The following CSNK2A3 variants were observed in gnomAD, a reference collection of about 807,000 sequenced individuals.
CSNK2A3 encodes casein kinase 2 alpha 3, also known as casein kinase II subunit alpha 3.
CSNK2A3 carries 31 observed loss-of-function variants against 36.5 expected under a neutral mutation model. That is an observed-to-expected ratio of 0.85 (90% CI 0.64 to 1.15). The LOEUF is 1.15. Ranked by LOEUF, CSNK2A3 falls within the 50% of genes most tolerant of loss-of-function variation. The probability of loss-of-function intolerance (pLI) is 0.00; values close to 1 mark genes in which losing one functional copy is unlikely to be tolerated. For synonymous variants in CSNK2A3, 152 were observed against 176.3 expected, an observed-to-expected ratio of 0.86 and a Z score of 1.09; for missense variants, 443 against 487.2, an observed-to-expected ratio of 0.91 and a Z score of 0.85.
Position 11,352,596 on chromosome 11 carries a change from T to C in CSNK2A3, c.524A>G (p.Asp175Gly). The C allele has an allele frequency of 6.2e-7, 1 of 1,614,172 alleles. No individual in the cohort carries two copies. The highest frequency in any genetic ancestry group is 1.6e-4 in the Middle Eastern group (1 of 6,062). The change falls in exon 1 of 1, where the codon GAC (aspartate) becomes GGC (glycine). Residue 175 changes from aspartate (D) to glycine (G), a missense_variant. Transcript: ENST00000528848. ...DHEHRKLRLI[D>G]WGLAEFYHPG... is the part of the protein sequence containing the mutation. ...ATGATAAAACTCAGCCAAACCCCAG[T>C]CTATTAGTCGTAGCTTTCTGTGCTC... is the stretch of plus-strand genomic sequence containing the variant.
At position 11,353,164 on chromosome 11, in the gene CSNK2A3, C is replaced by T; in HGVS notation, c.-45G>A. On this transcript the variant is annotated 5_prime_UTR_variant, in exon 1 of 1. Transcript: ENST00000528848. ...AAAGCTGGACTTGATGTTTGGAGAT[C>T]TGGCAGTCACTGTGTTCAGAAGCAG... 9 of 1,607,334 alleles carry T rather than the reference C, an allele frequency of 5.6e-6. 1 individual carries two copies. Among genetic ancestry groups the T allele is most frequent in the Non-Finnish European group, 7.7e-6 (9 of 1,174,294 alleles).
chr11:11,352,050 G>C, the CSNK2A3 span: 1 of 1,613,776 alleles, frequency 6.2e-7, no homozygotes, highest in Non-Finnish European at 8.5e-7. Context: ...AGTTGGCACT[G>C]AAGAAATCCC....
Position 11,352,982 on chromosome 11 carries a change from G to A in CSNK2A3, c.138C>T (p.Gly46=). The A allele has an allele frequency of 6.2e-7, 1 of 1,613,982 alleles. No individual in the cohort carries two copies. The highest frequency in any genetic ancestry group is 1.1e-5 in the South Asian group (1 of 91,078). The change falls in exon 1 of 1, where the codon GGC becomes GGT. Residue 46 remains glycine, a synonymous_variant. Transcript: ENST00000528848. ...CAAATACTTCACTGTATTTACCTCGGCCTAATTTTCGAACCAGCTGGTAGT... is the reference window on the plus strand; with the variant it reads ...CAAATACTTCACTGTATTTACCTCGACCTAATTTTCGAACCAGCTGGTAGT... ...QDDYQLVRKL[G]RGKYSEVFEA...
In CSNK2A3 at chr11:11,352,806, A is replaced by T. The variant is rs1257075248; in HGVS notation, c.314T>A (p.Val105Glu). 3.1e-6 allele frequency: 5 copies of T among 1,614,198 alleles called. No individual in the cohort carries two copies. The South Asian group carries it at 3.3e-5, about 11-fold the overall frequency. Residue 105 changes from valine (V) to glutamate (E), a missense_variant, in exon 1 of 1, where the codon GTG becomes GAG. Val to Glu is a moderately radical substitution (Grantham distance 121). Transcript: ENST00000528848. Reference sequence around the variant, plus strand: ...AAAAACCAAGGCGGGGGTTCGTGACACAGGGTCTTTTACAATGTCTGCCAG... The same window carrying T: ...AAAAACCAAGGCGGGGGTTCGTGACTCAGGGTCTTTTACAATGTCTGCCAG... Reference protein sequence around the residue: ...ITLADIVKDPVSRTPALVFEH... With the variant: ...ITLADIVKDPESRTPALVFEH...
chr11:11,353,211 C>T lies in CSNK2A3; in HGVS notation c.-92G>A. The T allele has an allele frequency of 2.0e-6, 3 of 1,509,556 alleles. No homozygotes were observed. Among genetic ancestry groups the T allele is most frequent in the East Asian group, 2.3e-5 (1 of 43,774 alleles). 93.5% of individuals were successfully genotyped at this position (1,509,556 alleles called of 1,614,324 possible). ...GCAGCTTGGGGGTAAGACCTTGTTT[C>T]AGACCTGTTTTCTTCACACTGTGGT... On this transcript the variant is annotated 5_prime_UTR_variant, in exon 1 of 1. Coordinates refer to ENST00000528848, the MANE Select transcript of CSNK2A3 (RefSeq NM_001256686.2).
chr11:11,352,273 G>A lies in CSNK2A3; in HGVS notation c.847C>T (p.Arg283Cys), dbSNP rs565318445. ...LGRHSRKRWE[R>C]FVHSENQHLV... Reference sequence around the variant, plus strand: ...TGCTGATTTTCACTGTGGACAAAGCGTTCCCATCGCTTTCGAGAGTGTCTG... The same window carrying A: ...TGCTGATTTTCACTGTGGACAAAGCATTCCCATCGCTTTCGAGAGTGTCTG... The change falls in exon 1 of 1, where the codon CGC (arginine) becomes TGC (cysteine). Residue 283 changes from arginine to cysteine, a missense_variant. Coordinates refer to ENST00000528848, the MANE Select transcript of CSNK2A3 (RefSeq NM_001256686.2). 82 of 1,614,086 alleles carry A rather than the reference G, an allele frequency of 5.1e-5. 1 individual carries two copies. In the East Asian group the frequency reaches 6.5e-4, roughly 13 times the overall value.
Position 11,351,983 on chromosome 11 carries a change from A to T in CSNK2A3, c.1137T>A (p.Leu379=). 5 of 1,610,364 alleles carry T rather than the reference A, an allele frequency of 3.1e-6. No homozygotes were observed. Among genetic ancestry groups the T allele is most frequent in the Non-Finnish European group, 4.2e-6 (5 of 1,178,408 alleles). ...CAGTGGCAGCTGGAACAGGCATCCC[A>T]AGGGGGTTGGCAGCAGCAATCACTG... The part of the protein sequence containing the change: ...GSPVIAAANP[L]GMPVPAATGA... Residue 379 remains leucine, a synonymous_variant, in exon 1 of 1, where the codon CTT becomes CTA. Coordinates refer to ENST00000528848, the MANE Select transcript of CSNK2A3 (RefSeq NM_001256686.2).
In CSNK2A3 at chr11:11,352,084, C is replaced by T. The variant is rs74507390; in HGVS notation, c.1036G>A (p.Val346Ile). Residue 346 changes from valine (V) to isoleucine (I), a missense_variant, in exon 1 of 1, where the codon GTC becomes ATC. Val to Ile is a conservative substitution (Grantham distance 29). Coordinates refer to ENST00000528848, the MANE Select transcript of CSNK2A3 (RefSeq NM_001256686.2). ...CCTGACATCACATTGGCGCTGCTGA[C>T]GGGCGTACTGCCCCCTGGCATGCTA... ...SSSMPGGSTP[V>I]SSANVMSGIS... The T allele has an allele frequency of 7.1e-3, 11,526 of 1,613,524 alleles. 668 individuals are homozygous for T. The African/African-American group carries it at 0.13, about 19-fold the overall frequency.
rs762925427 is a variant in CSNK2A3 at position 11,352,808 on chromosome 11, A to G, written c.312T>C (p.Pro104=). 1.5e-5 allele frequency: 24 copies of G among 1,614,096 alleles called. No homozygotes were observed. The highest frequency in any genetic ancestry group is 5.5e-5 in the South Asian group (5 of 91,080). The change falls in exon 1 of 1, where the codon CCT becomes CCC. Residue 104 remains proline, a synonymous_variant. Transcript: ENST00000528848. ...AAACCAAGGCGGGGGTTCGTGACAC[A>G]GGGTCTTTTACAATGTCTGCCAGTG... ...IITLADIVKD[P]VSRTPALVFE...
rs760116416 is a variant in CSNK2A3, at chr11:11,351,969, G to A, written c.1151C>T (p.Pro384Leu). 6.2e-7 allele frequency: 1 copy of A among 1,607,230 alleles called. No homozygotes were observed. Among genetic ancestry groups the A allele is most frequent in the Non-Finnish European group, 8.5e-7 (1 of 1,176,744 alleles). The part of the protein sequence containing the change: ...AAANPLGMPV[P>L]AATGAQQ ...TTACTGCTGAGCGCCAGTGGCAGCT[G>A]GAACAGGCATCCCAAGGGGGTTGGC... Residue 384 changes from proline to leucine, a missense_variant, in exon 1 of 1, where the codon CCA becomes CTA. By Grantham distance (98) the Pro-to-Leu change is moderately conservative. Transcript: ENST00000528848.
rs1249117185 is a variant in CSNK2A3 at position 11,352,144 on chromosome 11, T to C, written c.976A>G (p.Thr326Ala). 3 of 1,612,090 alleles carry C rather than the reference T, an allele frequency of 1.9e-6. No homozygotes were observed. Among genetic ancestry groups the C allele is most frequent in the Non-Finnish European group, 2.5e-6 (3 of 1,179,650 alleles). The change falls in exon 1 of 1, where the codon ACT becomes GCT. Residue 326 changes from threonine (T) to alanine (A), a missense_variant. Thr to Ala is a moderately conservative substitution (Grantham distance 58, BLOSUM62 0). Transcript: ENST00000528848. ...REAMEHPYFYTVVKDQARMGS... is the reference protein window; with the variant it reads ...REAMEHPYFYAVVKDQARMGS... ...ATTCGAGCCTGGTCCTTCACAACAGTGTAGAAATAGGGGTGCTCCATGGCC... is the reference window on the plus strand; with the variant it reads ...ATTCGAGCCTGGTCCTTCACAACAGCGTAGAAATAGGGGTGCTCCATGGCC...
rs778898420 is a variant in CSNK2A3 at position 11,352,988 on chromosome 11, T to C, written c.132A>G (p.Lys44=). The change falls in exon 1 of 1, where the codon AAA becomes AAG. Residue 44 remains lysine (K), a synonymous_variant. Transcript: ENST00000528848. ...CTTCACTGTATTTACCTCGGCCTAA[T>C]TTTCGAACCAGCTGGTAGTCATCTT... ...GNQDDYQLVR[K]LGRGKYSEVF... is the part of the protein sequence containing the mutation. The C allele has an allele frequency of 1.2e-6, 2 of 1,614,204 alleles. No individual in the cohort carries two copies. Among genetic ancestry groups the C allele is most frequent in the Non-Finnish European group, 1.7e-6 (2 of 1,180,030 alleles).
chr11:11,352,089 G>A lies in CSNK2A3; in HGVS notation c.1031C>T (p.Thr344Met). 6.2e-7 allele frequency: 1 copy of A among 1,613,644 alleles called. No individual in the cohort carries two copies. Among genetic ancestry groups the A allele is most frequent in the African/African-American group, 1.3e-5 (1 of 74,820 alleles). Residue 344 changes from threonine to methionine, a missense_variant, in exon 1 of 1, where the codon ACG becomes ATG. Coordinates refer to ENST00000528848, the MANE Select transcript of CSNK2A3 (RefSeq NM_001256686.2). ...MGSSSMPGGS[T>M]PVSSANVMSG... is the part of the protein sequence containing the mutation. The stretch of plus-strand genomic sequence containing the variant: ...CATCACATTGGCGCTGCTGACGGGC[G>A]TACTGCCCCCTGGCATGCTAGATGA...
chr11:11,352,112 T>C lies in CSNK2A3; in HGVS notation c.1008A>G (p.Ser336=). Residue 336 remains serine, a synonymous_variant, in exon 1 of 1, where the codon TCA becomes TCG. Transcript: ENST00000528848. ...GCGTACTGCCCCCTGGCATGCTAGATGAACCCATTCGAGCCTGGTCCTTCA... is the reference window on the plus strand; with the variant it reads ...GCGTACTGCCCCCTGGCATGCTAGACGAACCCATTCGAGCCTGGTCCTTCA... ...TVVKDQARMG[S]SSMPGGSTPV... is the part of the protein sequence containing the mutation. The C allele has an allele frequency of 6.2e-7, 1 of 1,613,382 alleles. No homozygotes were observed. The highest frequency in any genetic ancestry group is 8.5e-7 in the Non-Finnish European group (1 of 1,179,908).
the CSNK2A3 span, chr11:11,352,766 GTTGT>G: frequency 6.2e-7 from 1 of 1,614,154 alleles, no homozygotes; most frequent in Non-Finnish European, 8.5e-7. Context: ...TGAAGTCTGT[GTTGT>G]TTACGTGTTC....
rs1347907364 is a variant in CSNK2A3 at position 11,352,694 on chromosome 11, C to A, written c.426G>T (p.Lys142Asn). The A allele has an allele frequency of 6.2e-7, 1 of 1,614,012 alleles. No individual in the cohort carries two copies. Among genetic ancestry groups the A allele is most frequent in the Non-Finnish European group, 8.5e-7 (1 of 1,180,034 alleles). ...DIRFYMYEILKALDYCHSMGI... is the reference protein window; with the variant it reads ...DIRFYMYEILNALDYCHSMGI... ...CCATGCTGTGACAATAATCCAGGGC[C>A]TTCAGAATCTCATACATGTAAAATC... The change falls in exon 1 of 1, where the codon AAG (lysine) becomes AAT (asparagine). Residue 142 changes from lysine to asparagine, a missense_variant. Transcript: ENST00000528848.
In CSNK2A3 at chr11:11,352,414, G is replaced by A. The variant is rs1474657029; in HGVS notation, c.706C>T (p.Arg236Cys). 2.5e-6 allele frequency: 4 copies of A among 1,614,100 alleles called. No individual in the cohort carries two copies. The highest frequency in any genetic ancestry group is 1.3e-5 in the African/African-American group (1 of 75,000). The change falls in exon 1 of 1, where the codon CGT (arginine) becomes TGT (cysteine). Residue 236 changes from arginine to cysteine, a missense_variant. Transcript: ENST00000528848. ...IFRKEPFFHG[R>C]DNYDQLVRIA... ...CTCACCAACTGATCATAATTGTCAC[G>A]TCCATGGAAAAATGGCTCCTTCCGA...
Position 11,352,840 on chromosome 11 carries a change from T to C in CSNK2A3, c.280A>G (p.Ile94Val), listed in dbSNP as rs1850444877. ...TTTACAATGTCTGCCAGTGTGATGATGTTGGGACCTCCTCTCAAATTCTCC... is the reference window on the plus strand; with the variant it reads ...TTTACAATGTCTGCCAGTGTGATGACGTTGGGACCTCCTCTCAAATTCTCC... ...ILENLRGGPN[I>V]ITLADIVKDP... The change falls in exon 1 of 1, where the codon ATC (isoleucine) becomes GTC (valine). Residue 94 changes from isoleucine to valine, a missense_variant. Physicochemically the swap from Ile to Val is conservative, Grantham distance 29 (BLOSUM62 3). Transcript: ENST00000528848. 1 of 1,614,256 alleles carries C rather than the reference T, an allele frequency of 6.2e-7. No homozygotes were observed. The highest frequency in any genetic ancestry group is 8.5e-7 in the Non-Finnish European group (1 of 1,180,038).
chr11:11,352,993 G>T lies in CSNK2A3; in HGVS notation c.127C>A (p.Arg43=). The T allele has an allele frequency of 6.2e-7, 1 of 1,614,008 alleles. No individual in the cohort carries two copies. The highest frequency in any genetic ancestry group is 8.5e-7 in the Non-Finnish European group (1 of 1,180,018). The part of the protein sequence containing the change: ...WGNQDDYQLV[R]KLGRGKYSEV... ...CTGTATTTACCTCGGCCTAATTTTCGAACCAGCTGGTAGTCATCTTGATTT... is the reference window on the plus strand; with the variant it reads ...CTGTATTTACCTCGGCCTAATTTTCTAACCAGCTGGTAGTCATCTTGATTT... The change falls in exon 1 of 1, where the codon CGA becomes AGA. Residue 43 remains arginine (R), a synonymous_variant. Transcript: ENST00000528848.
Sources: gnomAD v4.1 joint callset for allele counts on GRCh38, gnomAD v4.1.1 for gene constraint, MANE v1.5 for transcripts, NCBI Gene and HGNC (gene_info 2026-07-23, HGNC 2026-07-21) for gene names.